The following SEMA6D variants were observed in gnomAD, a reference collection of about 807,000 sequenced individuals.
SEMA6D encodes the protein semaphorin-6D.
SEMA6D carries 35 observed loss-of-function variants against 106.6 expected under a neutral mutation model. The ratio of observed to expected loss-of-function variants is 0.33; its 90% CI spans 0.25 to 0.44. The LOEUF is 0.44. SEMA6D is among the 20% of genes least tolerant of loss of function. SEMA6D has a pLI of 1.00. For synonymous variants in SEMA6D, 499 were observed against 487.7 expected (o/e 1.02, Z -0.31); for missense variants, 1,185 against 1,345.9 (o/e 0.88, Z 1.87).
intron 4 of SEMA6D, among the ~76,000 whole-genome samples, chr15:47,680,454 G>A (rs760008967): frequency 2.6e-5 from 4 of 152,242 alleles, no homozygotes; most frequent in African/African-American, 9.6e-5. Context: ...TATTATACAA[G>A]AACATAGGTA....
intron 2 of SEMA6D, among the ~76,000 whole-genome samples, chr15:47,417,060 A>G (rs1449899589): frequency 2.0e-5 from 3 of 152,116 alleles, no homozygotes; most frequent in Admixed American, 2.0e-4. Context: ...TGATAAAGGC[A>G]ATCTTTTTTA....
chr15:47,729,858 G>T (rs1262765893), intron 1 of SEMA6D, among the ~76,000 whole-genome samples: 1 of 152,218 alleles, frequency 6.6e-6, no homozygotes, highest in Admixed American at 6.5e-5. Flanking sequence ...ATTCGAAAAA[G>T]GAGCTGAGAG....
At chr15:47,743,942 T>TTA (rs1327493464) in intron 1 of SEMA6D, among the ~76,000 whole-genome samples, 2 of 152,270 alleles carry the variant, frequency 1.3e-5, no homozygotes, top group East Asian at 3.9e-4. Flanking sequence ...GCCTTGGAGG[T>TTA]CATAGAGCAA....
At chr15:47,377,697 G>T (rs2039497327) in intron 1 of SEMA6D, among the ~76,000 whole-genome samples, 1 of 152,178 alleles carries the variant, frequency 6.6e-6, no homozygotes, top group Non-Finnish European at 1.5e-5. Flanking sequence ...AAGTGTCTGG[G>T]CATAGAAATG....
chr15:47,202,516 A>G (rs1894789564), intron 1 of SEMA6D, among the ~76,000 whole-genome samples: 1 of 152,128 alleles, frequency 6.6e-6, no homozygotes, highest in African/African-American at 2.4e-5. Flanking sequence ...AGGCCACTGC[A>G]CATATGGACA....
At chr15:47,637,652 G>A (rs1217663125) in intron 4 of SEMA6D, among the ~76,000 whole-genome samples, 1 of 152,118 alleles carries the variant, frequency 6.6e-6, no homozygotes, top group Non-Finnish European at 1.5e-5. Flanking sequence ...TAAGCTTTTG[G>A]AAGTAGTTAT....
At chr15:47,695,509 C>T (rs982640833) in intron 4 of SEMA6D, among the ~76,000 whole-genome samples, 1 of 151,988 alleles carries the variant, frequency 6.6e-6, no homozygotes, top group East Asian at 1.9e-4. Context: ...CACACACACA[C>T]GCATAGACAC....
intron 2 of SEMA6D, among the ~76,000 whole-genome samples, chr15:47,419,347 A>G (rs2041078355): frequency 6.6e-6 from 1 of 152,126 alleles, no homozygotes. Context: ...GAAACAGGAT[A>G]TTGGAAGGAT....
chr15:47,298,607 G>A (rs1396126034), intron 1 of SEMA6D, among the ~76,000 whole-genome samples: 1 of 152,100 alleles, frequency 6.6e-6, no homozygotes, highest in Admixed American at 6.6e-5. Context: ...CATTACGTCT[G>A]TGCAATGCTC....
At chr15:47,404,704 T>C (rs1250344733) in intron 1 of SEMA6D, among the ~76,000 whole-genome samples, 1 of 152,200 alleles carries the variant, frequency 6.6e-6, no homozygotes, top group Non-Finnish European at 1.5e-5. Flanking sequence ...TCTCAGAGAA[T>C]GATAACAGCT....
At chr15:47,417,157 A>G (rs1447514892) in intron 2 of SEMA6D, among the ~76,000 whole-genome samples, 1 of 152,090 alleles carries the variant, frequency 6.6e-6, no homozygotes, top group African/African-American at 2.4e-5. Flanking sequence ...AAAATTTTTA[A>G]TTAAATATCT....
At chr15:47,727,666 C>A (rs930821489) in intron 1 of SEMA6D, among the ~76,000 whole-genome samples, 10 of 150,566 alleles carry the variant, frequency 6.6e-5, no homozygotes, top group African/African-American at 2.0e-4. Flanking sequence ...CCCCCCCAAC[C>A]CCCCCAGTTT....
chr15:47,584,309 G>C (rs1049316040), intron 3 of SEMA6D, among the ~76,000 whole-genome samples: 18 of 152,112 alleles, frequency 1.2e-4, no homozygotes, highest in Admixed American at 6.5e-4. Context: ...TATAATCCCA[G>C]CTACTTGGGA....
intron 1 of SEMA6D, among the ~76,000 whole-genome samples, chr15:47,349,021 G>A (rs539351787): frequency 5.9e-5 from 9 of 152,162 alleles, no homozygotes; most frequent in African/African-American, 2.2e-4. Context: ...GGGATAGGAG[G>A]GCTGGAGCAA....
At chr15:47,277,762 CT>C (rs2034899329) in intron 1 of SEMA6D, among the ~76,000 whole-genome samples, 1 of 151,830 alleles carries the variant, frequency 6.6e-6, no homozygotes. Flanking sequence ...TTCCTCCCCC[CT>C]CCCCACACCC....
At chr15:47,509,171 G>T (rs374694561) in intron 3 of SEMA6D, among the ~76,000 whole-genome samples, 1 of 152,248 alleles carries the variant, frequency 6.6e-6, no homozygotes, top group East Asian at 1.9e-4. Flanking sequence ...CAGGGCTACA[G>T]TCTCCTTCAA....
At chr15:47,320,285 G>A (rs962729148) in intron 1 of SEMA6D, among the ~76,000 whole-genome samples, 3 of 152,106 alleles carry the variant, frequency 2.0e-5, no homozygotes, top group African/African-American at 7.2e-5. Context: ...CCTCACTACA[G>A]CACCATCCTC....
chr15:47,247,073 C>G (rs960958556), intron 1 of SEMA6D, among the ~76,000 whole-genome samples: 1 of 152,138 alleles, frequency 6.6e-6, no homozygotes, highest in Non-Finnish European at 1.5e-5. Context: ...TGTTATATAA[C>G]TAGACCTTTG....
intron 1 of SEMA6D, among the ~76,000 whole-genome samples, chr15:47,303,489 A>G (rs555002419): frequency 5.3e-5 from 8 of 152,300 alleles, no homozygotes; most frequent in African/African-American, 1.9e-4. Context: ...CCTATTTAAA[A>G]TCATGCACCG....
Sources: allele counts gnomAD v4.1 joint callset (sites outside exome capture counted in the v4.1 genomes callset), GRCh38; gene constraint gnomAD v4.1.1; transcripts MANE v1.5; gene names NCBI Gene and HGNC (gene_info 2026-07-23, HGNC 2026-07-21).